Variants in TSGA10 observed in about 807,000 individuals in gnomAD.
The protein encoded by TSGA10 is testis specific 10.
Under a neutral mutation model 96.6 loss-of-function variants are expected in TSGA10, and 43 were observed. The ratio of observed to expected loss-of-function variants is 0.44; its 90% CI spans 0.35 to 0.57. The LOEUF (loss-of-function observed/expected upper bound fraction) is 0.57. Among genes scored for constraint, TSGA10 ranks in the 20% least tolerant of loss-of-function variants. TSGA10 has a pLI of 0.01. For synonymous variants in TSGA10, 229 were observed against 269.9 expected (o/e 0.85, Z 1.48); for missense variants, 703 against 834.4 (o/e 0.84, Z 1.94).
chr2:99,099,343 A>T (rs566407951), intron 10 of TSGA10, among the ~76,000 whole-genome samples: 2 of 152,320 alleles, frequency 1.3e-5, no homozygotes, highest in African/African-American at 4.8e-5. Context: ...TAAAGCCATA[A>T]GAAAGGTAAA....
intron 10 of TSGA10, among the ~76,000 whole-genome samples, chr2:99,085,283 A>G (rs1373477148): frequency 1.3e-5 from 2 of 151,870 alleles, no homozygotes; most frequent in African/African-American, 4.8e-5. Flanking sequence ...AAATGCATCC[A>G]AAAAAGTAAT....
At chr2:99,049,365 T>G (rs1573848400) in intron 16 of TSGA10, among the ~76,000 whole-genome samples, 1 of 151,870 alleles carries the variant, frequency 6.6e-6, no homozygotes, top group African/African-American at 2.4e-5. Flanking sequence ...ATAAAGAAAA[T>G]GTGGCACATA....
At chr2:99,004,502 T>C (rs1355382205) in intron 20 of TSGA10, among the ~76,000 whole-genome samples, 1 of 152,012 alleles carries the variant, frequency 6.6e-6, no homozygotes, top group Non-Finnish European at 1.5e-5. Flanking sequence ...CATCAGAGAA[T>C]ACTACAAACA....
intron 20 of TSGA10, among the ~76,000 whole-genome samples, chr2:99,002,097 C>T (rs1312829192): frequency 6.6e-6 from 1 of 152,180 alleles, no homozygotes; most frequent in Non-Finnish European, 1.5e-5. Flanking sequence ...CCCAATCTAG[C>T]AAGGCAGGCC....
chr2:99,154,847 T>C lies in TSGA10; in HGVS notation c.-775A>G. The C allele has an allele frequency of 2.9e-6, 1 of 348,792 alleles. No individual in the cohort carries two copies. The allele number at this position is 348,792 out of a possible 1,614,324, so 21.6% of individuals were successfully genotyped here. ...CTGAAGGACCCTTACTTAGCACTCC[T>C]GCGGGCTGCCGGGACCCCACGGCTC... On this transcript the variant is annotated 5_prime_UTR_variant, in exon 1 of 21. Transcript: ENST00000393483.
At chr2:99,032,074 TGA>T (rs2081187886) in intron 17 of TSGA10, among the ~76,000 whole-genome samples, 2 of 152,118 alleles carry the variant, frequency 1.3e-5, no homozygotes, top group Non-Finnish European at 2.9e-5. Context: ...TAGTGGCAAG[TGA>T]GTTGATGTGC....
chr2:99,036,947 C>T (rs1236137083), intron 16 of TSGA10, among the ~76,000 whole-genome samples: 2 of 151,974 alleles, frequency 1.3e-5, no homozygotes, highest in Admixed American at 6.6e-5. Flanking sequence ...GTGCACATTC[C>T]TAACAACAGA....
At chr2:99,092,942 C>T (rs1039165693) in intron 10 of TSGA10, among the ~76,000 whole-genome samples, 3 of 151,954 alleles carry the variant, frequency 2.0e-5, no homozygotes, top group Non-Finnish European at 4.4e-5. Context: ...CAGGAAAGGA[C>T]ATAACAAAAC....
At chr2:99,115,255 T>G (rs2092158849) in intron 4 of TSGA10, among the ~76,000 whole-genome samples, 1 of 152,022 alleles carries the variant, frequency 6.6e-6, no homozygotes, top group African/African-American at 2.4e-5. Context: ...TTTTTATAAT[T>G]AAGACAGATG....
rs568311543 is a variant in TSGA10 at position 99,103,111 on chromosome 2, A to C, written c.611+856T>G. ...AAAAAAAAAAAAAAAATTGTTAAGAAAGACCAGGCCCGGTGGCTCATGCCT... is the reference window on the plus strand; with the variant it reads ...AAAAAAAAAAAAAAAATTGTTAAGACAGACCAGGCCCGGTGGCTCATGCCT... On this transcript the variant is annotated intron_variant, in intron 10 of 20. Coordinates refer to ENST00000393483, the MANE Select transcript of TSGA10 (RefSeq NM_025244.4). Among the ~76,000 whole-genome samples, 596 of 152,132 alleles carry C rather than the reference A, an allele frequency of 3.9e-3. 4 individuals carry two copies. Among genetic ancestry groups the C allele is most frequent in the African/African-American group, 0.014 (568 of 41,510 alleles).
At chr2:99,095,829 C>G (rs12987548) in intron 10 of TSGA10, among the ~76,000 whole-genome samples, 1 of 151,934 alleles carries the variant, frequency 6.6e-6, no homozygotes, top group Non-Finnish European at 1.5e-5. Context: ...TTAGTAGAGA[C>G]GGAGTTTCAC....
intron 10 of TSGA10, among the ~76,000 whole-genome samples, chr2:99,084,519 T>C (rs777111867): frequency 6.6e-6 from 1 of 152,114 alleles, no homozygotes; most frequent in Non-Finnish European, 1.5e-5. Flanking sequence ...AGCTGTCTCG[T>C]GCCCTCACCA....
intron 10 of TSGA10, among the ~76,000 whole-genome samples, chr2:99,091,863 C>G (rs2089395306): frequency 6.6e-6 from 1 of 152,086 alleles, no homozygotes; most frequent in Non-Finnish European, 1.5e-5. Flanking sequence ...GACAGGTCAT[C>G]AAGAAAGAAA....
At chr2:99,109,940 A>G (rs1478482383) in intron 5 of TSGA10, among the ~76,000 whole-genome samples, 1 of 152,036 alleles carries the variant, frequency 6.6e-6, no homozygotes, top group Non-Finnish European at 1.5e-5. Flanking sequence ...CGAGGCGGGC[A>G]GATCATGAGG....
chr2:99,141,971 G>A (rs1210309015), intron 1 of TSGA10: 1 of 152,408 alleles, frequency 6.6e-6, no homozygotes, highest in African/African-American at 2.4e-5. Context: ...AGGGGAGCCT[G>A]GGGACCACGG....
chr2:99,150,411 TCAAA>T, intron 1 of TSGA10: 1 of 854,672 alleles, frequency 1.2e-6, no homozygotes, highest in East Asian at 2.5e-5. Flanking sequence ...AGCTTTTCAT[TCAAA>T]CAAACATTGC....
intron 16 of TSGA10, among the ~76,000 whole-genome samples, chr2:99,057,610 C>T (rs961128608): frequency 1.3e-5 from 2 of 152,012 alleles, no homozygotes; most frequent in Non-Finnish European, 2.9e-5. Context: ...ATCTAATAAA[C>T]GAAACTACAC....
At chr2:99,154,252 G>T (rs780140565) in intron 1 of TSGA10, 3 of 152,202 alleles carry the variant, frequency 2.0e-5, no homozygotes, top group Non-Finnish European at 4.4e-5. Context: ...ACTATTTGAG[G>T]CAGTTTGTTA....
chr2:99,147,510 C>A, intron 1 of TSGA10: 1 of 1,611,982 alleles, frequency 6.2e-7, no homozygotes, highest in Middle Eastern at 1.7e-4. Context: ...CTCACAGGGC[C>A]AAGTCTACCC....
Sources: gnomAD v4.1 joint callset for allele counts (sites outside exome capture counted in the v4.1 genomes callset) on GRCh38, gnomAD v4.1.1 for gene constraint, MANE v1.5 for transcripts, NCBI Gene and HGNC (gene_info 2026-07-23, HGNC 2026-07-21) for gene names.